The following IGDCC4 variants were observed in gnomAD, a reference collection of about 807,000 sequenced individuals.
IGDCC4 encodes likely ortholog of mouse neighbor of Punc E11.
A neutral mutation model predicts 116.6 loss-of-function variants in IGDCC4; 72 were observed. That is an observed-to-expected ratio of 0.62 (90% CI 0.51 to 0.75). The LOEUF (loss-of-function observed/expected upper bound fraction) is 0.75, where lower values mean the gene tolerates loss of function less well. Among genes scored for constraint, IGDCC4 ranks in the 30% least tolerant of loss-of-function variants. The pLI is 0.00. For synonymous variants in IGDCC4, 709 were observed against 719.9 expected (o/e 0.98, Z 0.24); for missense variants, 1,501 against 1,662.4 (o/e 0.90, Z 1.69).
At chr15:65,387,756 C>T (rs1363260578) in intron 16 of IGDCC4, among the ~76,000 whole-genome samples, 1 of 151,702 alleles carries the variant, frequency 6.6e-6, no homozygotes, top group Non-Finnish European at 1.5e-5. Context: ...CACCATAAAG[C>T]TCATCACCTC....
In IGDCC4 at chr15:65,402,362, A is replaced by G. The variant is rs2062995442; in HGVS notation, c.689T>C (p.Val230Ala). ...QHFSQEALLS[V>A]AHRGSLASTR... is the part of the protein sequence containing the mutation. ...GCCAGCCCCCTTACCTCTGTGGGCC[A>G]CACTGAGTAGGGCCTCCTGGCTGAA... is the stretch of plus-strand genomic sequence containing the variant. The change falls in exon 4 of 20, where the codon GTG (valine) becomes GCG (alanine). Residue 230 changes from valine to alanine, a missense_variant. Coordinates refer to ENST00000352385, the MANE Select transcript of IGDCC4 (RefSeq NM_020962.3). 1 of 1,569,248 alleles carries G rather than the reference A, an allele frequency of 6.4e-7. No individual in the cohort carries two copies. Among genetic ancestry groups the G allele is most frequent in the South Asian group, 1.2e-5 (1 of 85,228 alleles).
At chr15:65,412,640 T>C (rs1249723366) in intron 1 of IGDCC4, among the ~76,000 whole-genome samples, 16 of 150,884 alleles carry the variant, frequency 1.1e-4, no homozygotes, top group Admixed American at 7.9e-4. Context: ...AATATGCCAC[T>C]GGAGGCCAGG....
chr15:65,403,462 C>T (rs1471724747), intron 3 of IGDCC4, among the ~76,000 whole-genome samples: 1 of 152,160 alleles, frequency 6.6e-6, no homozygotes, highest in Non-Finnish European at 1.5e-5. Context: ...ACCCCTTGCC[C>T]ATACTACCTT....
Position 65,393,302 on chromosome 15 carries a change from A to T in IGDCC4, c.1885+59T>A. On this transcript the variant is annotated intron_variant, in intron 10 of 19. Coordinates refer to ENST00000352385, the MANE Select transcript of IGDCC4 (RefSeq NM_020962.3). This position sits in a 1 kb window ranked among gnomAD's most constrained non-coding sequence, Gnocchi z 4.6. ...GGGGGTGGGGCGCTGGGTCCCAAGG[A>T]CACACGCACACCCACACAGTCACAC... is the stretch of plus-strand genomic sequence containing the variant. 1.3e-6 allele frequency: 2 copies of T among 1,500,024 alleles called. No homozygotes were observed. Among genetic ancestry groups the T allele is most frequent in the South Asian group, 2.7e-5 (2 of 73,058 alleles). 92.9% of individuals were successfully genotyped at this position (1,500,024 alleles called of 1,614,324 possible). A position where few individuals can be genotyped will look rare whatever the true frequency, so the allele number is the denominator to read the frequency against.
chr15:65,396,424 A>G, intron 6 of IGDCC4: 1 of 600,092 alleles, frequency 1.7e-6, no homozygotes, highest in Non-Finnish European at 3.1e-6. Flanking sequence ...TCCCCTAAAT[A>G]TTGCTCCTCC....
Position 65,392,375 on chromosome 15 carries a change from G to A in IGDCC4, c.1886-5C>T. ...ACTCTGCAGGGGCAAAAGGGACTGG[G>A]GGGCAGAGGAGCAGGATGGGAAAAT... On this transcript the variant is annotated splice_polypyrimidine_tract_variant and splice_region_variant and intron_variant, in intron 10 of 19. Transcript: ENST00000352385. 6.6e-7 allele frequency: 1 copy of A among 1,506,084 alleles called. No homozygotes were observed. The highest frequency in any genetic ancestry group is 1.4e-5 in the South Asian group (1 of 73,622). 93.3% of individuals were successfully genotyped at this position (1,506,084 alleles called of 1,614,324 possible).
rs2091406201 is a variant in IGDCC4, at chr15:65,382,176, C to T, written c.*1833G>A. ...GATGAAACATACACAGTGGTGTTAG[C>T]CACAGCAGCGCTGAATGCTACAGAA... is the stretch of plus-strand genomic sequence containing the variant. On this transcript the variant is annotated 3_prime_UTR_variant, in exon 20 of 20. Transcript: ENST00000352385. The T allele has an allele frequency of 6.6e-6, 1 of 152,164 alleles. No individual in the cohort carries two copies. Among genetic ancestry groups the T allele is most frequent in the Non-Finnish European group, 1.5e-5 (1 of 67,962 alleles). The allele number at this position is 152,164 out of a possible 1,614,324, so 9.4% of individuals were successfully genotyped here.
chr15:65,387,643 G>A lies in IGDCC4; in HGVS notation c.2845+806C>T, dbSNP rs569309482. Among the ~76,000 whole-genome samples the A allele has an allele frequency of 1.3e-4, 20 of 151,018 alleles. No individual in the cohort carries two copies. In the East Asian group the frequency reaches 3.4e-3, roughly 26 times the overall value. ...GCTGGGATTACAGGCATAAGCCACCGCGCCTGGCCGTCCGACCTCTAATTT... is the reference window on the plus strand; with the variant it reads ...GCTGGGATTACAGGCATAAGCCACCACGCCTGGCCGTCCGACCTCTAATTT... On this transcript the variant is annotated intron_variant, in intron 16 of 19. Coordinates refer to ENST00000352385, the MANE Select transcript of IGDCC4 (RefSeq NM_020962.3).
intron 13 of IGDCC4, 101 bp from the exon 14 acceptor site, chr15:65,389,512 T>C: frequency 6.5e-7 from 1 of 1,543,064 alleles, no homozygotes. Context: ...AGCCCCAGGC[T>C]CTACCCTGGG....
rs913181284 is a variant in IGDCC4, at chr15:65,383,956, G to A, written c.*53C>T. 5.0e-5 allele frequency: 73 copies of A among 1,457,978 alleles called. No homozygotes were observed. The Admixed American group carries it at 6.6e-4, about 13-fold the overall frequency. 90.3% of individuals were successfully genotyped at this position (1,457,978 alleles called of 1,614,324 possible). A position where few individuals can be genotyped will look rare whatever the true frequency, so the allele number is the denominator to read the frequency against. On this transcript the variant is annotated 3_prime_UTR_variant, in exon 20 of 20. Transcript: ENST00000352385. The stretch of plus-strand genomic sequence containing the variant: ...GTGGACATACACGGCCACAGGTATC[G>A]CATCCTATGTGATCCATACCTGCCT...
At position 65,391,862 on chromosome 15, in the gene IGDCC4, T is replaced by C; in HGVS notation, c.2224+18A>G. The C allele has an allele frequency of 1.2e-6, 2 of 1,609,284 alleles. No homozygotes were observed. The highest frequency in any genetic ancestry group is 1.7e-6 in the Non-Finnish European group (2 of 1,177,056). On this transcript the variant is annotated intron_variant, in intron 12 of 19. Transcript: ENST00000352385. The stretch of plus-strand genomic sequence containing the variant: ...CCTCACCTGAGCCCTCCCCGCCTTC[T>C]TCCCCCACCGCCCTCACCTGGTGCC...
intron 4 of IGDCC4, among the ~76,000 whole-genome samples, chr15:65,401,580 G>A (rs957841412): frequency 1.4e-5 from 2 of 144,750 alleles, no homozygotes; most frequent in Admixed American, 6.8e-5. Context: ...AGAAGGAACA[G>A]GATGGGGACG....
chr15:65,422,792 C>T lies in IGDCC4; in HGVS notation c.70+1G>A, dbSNP rs773026584. 7.6e-7 allele frequency: 1 copy of T among 1,323,622 alleles called. No individual in the cohort carries two copies. Among genetic ancestry groups the T allele is most frequent in the Non-Finnish European group, 9.6e-7 (1 of 1,037,322 alleles). 82.0% of individuals were successfully genotyped at this position (1,323,622 alleles called of 1,614,324 possible). A position where few individuals can be genotyped will look rare whatever the true frequency, so the allele number is the denominator to read the frequency against. ...CTGCCTCTCCGGGCGCCCGCCCTTA[C>T]CGCGCGCGGCCAACAGGCAGAAGGT... On this transcript the variant is annotated splice_donor_variant, in intron 1 of 19. Coordinates refer to ENST00000352385, the MANE Select transcript of IGDCC4 (RefSeq NM_020962.3). LOFTEE classifies it high-confidence loss of function.
chr15:65,403,664 C>A (rs1005482425), intron 3 of IGDCC4, among the ~76,000 whole-genome samples: 2 of 152,106 alleles, frequency 1.3e-5, no homozygotes, highest in Admixed American at 6.5e-5. Flanking sequence ...CATATTTGTC[C>A]TACCTGCCTG....
In IGDCC4 at chr15:65,390,241, A is replaced by G. The variant is rs561327727; in HGVS notation, c.2322T>C (p.Asp774=). The change falls in exon 13 of 20, where the codon GAT becomes GAC. Residue 774 remains aspartate, a synonymous_variant. Coordinates refer to ENST00000352385, the MANE Select transcript of IGDCC4 (RefSeq NM_020962.3). ...AGTTGACAATCTTGACTGTGGTGAA[A>G]TCTGGCTTTTTCCACCGAAGCCAGA... is the stretch of plus-strand genomic sequence containing the variant. ...TSIWLRWKKP[D]FTTVKIVNYT... 10 of 1,613,368 alleles carry G rather than the reference A, an allele frequency of 6.2e-6. No individual in the cohort carries two copies. Among genetic ancestry groups the G allele is most frequent in the Non-Finnish European group, 7.6e-6 (9 of 1,179,532 alleles).
chr15:65,387,417 C>T (rs1190707334), intron 16 of IGDCC4, among the ~76,000 whole-genome samples: 1 of 152,068 alleles, frequency 6.6e-6, no homozygotes, highest in African/African-American at 2.4e-5. Flanking sequence ...GGCATGATCT[C>T]GGCTCACTGC....
intron 16 of IGDCC4, 38 bp from the exon 17 acceptor site, chr15:65,386,694 A>G: frequency 6.6e-7 from 1 of 1,524,010 alleles, no homozygotes; most frequent in South Asian, 1.2e-5. Context: ...AGGTCAGGAC[A>G]GAGGAAGGGC....
At position 65,395,937 on chromosome 15, in the gene IGDCC4, C is replaced by T; in HGVS notation, c.1224G>A (p.Glu408=). The change falls in exon 7 of 20, where the codon GAG becomes GAA. Residue 408 remains glutamate, a synonymous_variant. Coordinates refer to ENST00000352385, the MANE Select transcript of IGDCC4 (RefSeq NM_020962.3). The part of the protein sequence containing the change: ...QDAGYYQCVA[E]NSAGMACAAA... ...CAGCGCACGCCATTCCCGCGCTGTTCTCAGCCACGCACTGGTAGTAGCCGG... is the reference window on the plus strand; with the variant it reads ...CAGCGCACGCCATTCCCGCGCTGTTTTCAGCCACGCACTGGTAGTAGCCGG... The T allele has an allele frequency of 6.3e-7, 1 of 1,591,390 alleles. No homozygotes were observed. The highest frequency in any genetic ancestry group is 1.1e-5 in the South Asian group (1 of 89,392).
At position 65,396,987 on chromosome 15, in the gene IGDCC4, C is replaced by G. The variant is rs1400682692; in HGVS notation, c.844G>C (p.Gly282Arg). ...ATGACATCTGTGGAGATGGGCTTCC[C>G]GTCTGGGGAAGGAGAGGGAGACGCG... is the stretch of plus-strand genomic sequence containing the variant. ...TPFVSWVRQD[G>R]KPISTDVIVL... The change falls in exon 6 of 20, where the codon GGG becomes CGG. Residue 282 changes from glycine (G) to arginine (R), a missense_variant and splice_region_variant. Physicochemically the swap from Gly to Arg is moderately radical, Grantham distance 125. Transcript: ENST00000352385. 1 of 1,578,952 alleles carries G rather than the reference C, an allele frequency of 6.3e-7. No individual in the cohort carries two copies. Among genetic ancestry groups the G allele is most frequent in the South Asian group, 1.2e-5 (1 of 86,024 alleles).
Sources: gnomAD v4.1 joint callset for allele counts (sites outside exome capture counted in the v4.1 genomes callset) on GRCh38, gnomAD v4.1.1 for gene constraint, Gnocchi (gnomAD v3.1) non-coding constraint, MANE v1.5 for transcripts, NCBI Gene and HGNC (gene_info 2026-07-23, HGNC 2026-07-21) for gene names.